Variants in NSD2 observed in about 807,000 individuals in gnomAD.
The protein encoded by NSD2 is histone-lysine N-methyltransferase NSD2.
NSD2 carries 12 observed loss-of-function variants against 139.0 expected under a neutral mutation model. The ratio of observed to expected loss-of-function variants is 0.09; its 90% CI spans 0.06 to 0.14. The LOEUF is 0.14. Ranked by LOEUF, NSD2 falls within the 10% of genes least tolerant of loss-of-function variation. NSD2 has a pLI of 1.00. For missense variants in NSD2, 1,155 were observed against 1,745.0 expected, an observed-to-expected ratio of 0.66 and a Z score of 6.02; for synonymous variants, 669 against 648.7, an observed-to-expected ratio of 1.03 and a Z score of -0.48.
chr4:1,946,073 TA>T, intron 9 of NSD2: 1 of 1,030,308 alleles, frequency 9.7e-7, no homozygotes, highest in Non-Finnish European at 1.2e-6. Context: ...CTTAGTTTTT[TA>T]AAAAAAATCT....
intron 18 of NSD2, among the ~76,000 whole-genome samples, 155 bp downstream of exon 18, chr4:1,961,306 C>T (rs568069325): frequency 1.3e-5 from 2 of 152,292 alleles, no homozygotes; most frequent in East Asian, 1.9e-4. Context: ...TGAGGTGCAG[C>T]GTGTCTTTCA....
At chr4:1,876,886 A>G (rs553279195) in intron 1 of NSD2, among the ~76,000 whole-genome samples, 5 of 152,128 alleles carry the variant, frequency 3.3e-5, no homozygotes, top group African/African-American at 4.8e-5. Context: ...CTGTAATCCC[A>G]GTGCTTTGGG....
rs542285903 is a variant in NSD2, at chr4:1,975,226, C to T, written c.3515-68C>T. The T allele has an allele frequency of 3.3e-6, 5 of 1,506,924 alleles. No homozygotes were observed. The South Asian group carries it at 5.7e-5, about 17-fold the overall frequency. 93.3% of individuals were successfully genotyped at this position (1,506,924 alleles called of 1,614,324 possible). ...TAAGAGTATTTTTGTTGACCTAATA[C>T]ACGCCCCTTAGCTTTTGAAGAGAAA... is the stretch of plus-strand genomic sequence containing the variant. On this transcript the variant is annotated intron_variant, in intron 19 of 21. Coordinates refer to ENST00000508803, the MANE Select transcript of NSD2 (RefSeq NM_001042424.3).
At chr4:1,896,305 G>T (rs1716291537) in intron 1 of NSD2, among the ~76,000 whole-genome samples, 2 of 152,258 alleles carry the variant, frequency 1.3e-5, no homozygotes, top group Non-Finnish European at 2.9e-5. Flanking sequence ...GCCATGGGCA[G>T]CCTGCAGCCT....
intron 1 of NSD2, among the ~76,000 whole-genome samples, chr4:1,889,265 TG>T (rs35258624): frequency 3.3e-5 from 5 of 151,834 alleles, no homozygotes; most frequent in African/African-American, 1.2e-4. Flanking sequence ...GGTGTAATTA[TG>T]GCTCACAGCC....
intron 21 of NSD2, among the ~76,000 whole-genome samples, chr4:1,978,015 T>C (rs1727289998): frequency 6.6e-6 from 1 of 150,896 alleles, no homozygotes; most frequent in African/African-American, 2.4e-5. Context: ...TAATCCTGGC[T>C]ACTCGGAAGG....
At chr4:1,872,635 A>AGAGAGAGAGAGAGAGAGAGAGAGC (rs1179623184) in intron 1 of NSD2, among the ~76,000 whole-genome samples, 2 of 120,198 alleles carry the variant, frequency 1.7e-5, no homozygotes, top group African/African-American at 2.9e-5. Context: ...AGAGAGAGAG[A>AGAGAGAGAGAGAGAGAGAGAGAGC]GCGCGCAGAC....
chr4:1,935,276 A>AG lies in NSD2; in HGVS notation c.1674+16dup, dbSNP rs772700430. On this transcript the variant is annotated intron_variant, in intron 7 of 21. Coordinates refer to ENST00000508803, the MANE Select transcript of NSD2 (RefSeq NM_001042424.3). ...AGTCTTCGGAAGGTAATTGTGTTCC[A>AG]GGTTTGCTTGACCTGTCAGAGTGTA... 10 of 1,604,788 alleles carry AG rather than the reference A, an allele frequency of 6.2e-6. No homozygotes were observed. Among genetic ancestry groups the AG allele is most frequent in the Non-Finnish European group, 8.5e-6 (10 of 1,173,006 alleles).
Position 1,979,418 on chromosome 4 carries a change from T to C in NSD2, c.*509T>C, listed in dbSNP as rs1727525033. The C allele has an allele frequency of 4.3e-6, 1 of 234,118 alleles. No individual in the cohort carries two copies. The highest frequency in any genetic ancestry group is 8.4e-6 in the Non-Finnish European group (1 of 118,664). 14.5% of individuals were successfully genotyped at this position (234,118 alleles called of 1,614,324 possible). Reference sequence around the variant, plus strand: ...ACTGCCATTGTGATCATTACTCTGCTCTTTGGAAATGGCTGTATCATTTTT... The same window carrying C: ...ACTGCCATTGTGATCATTACTCTGCCCTTTGGAAATGGCTGTATCATTTTT... On this transcript the variant is annotated 3_prime_UTR_variant, in exon 22 of 22. Transcript: ENST00000508803.
rs1724736840 is a variant in NSD2, at chr4:1,955,628, G to A, written c.2519-65G>A. ...GGCTGTAATAAGTGTAGACTGTGAA[G>A]CACTGAATCTGGGCTGAGCCATAGC... On this transcript the variant is annotated intron_variant, in intron 13 of 21. Coordinates refer to ENST00000508803, the MANE Select transcript of NSD2 (RefSeq NM_001042424.3). This position sits in a 1 kb window ranked among gnomAD's most constrained non-coding sequence, Gnocchi z 4.7. 1.3e-6 allele frequency: 2 copies of A among 1,520,966 alleles called. No homozygotes were observed. The highest frequency in any genetic ancestry group is 1.8e-6 in the Non-Finnish European group (2 of 1,132,150). 94.2% of individuals were successfully genotyped at this position (1,520,966 alleles called of 1,614,324 possible). A position where few individuals can be genotyped will look rare whatever the true frequency, so the allele number is the denominator to read the frequency against.
chr4:1,893,608 G>A (rs1463914199), intron 1 of NSD2: 1 of 149,372 alleles, frequency 6.7e-6, no homozygotes, highest in East Asian at 1.9e-4. Flanking sequence ...CTGGAGTGCA[G>A]TGGTGCTTTC....
chr4:1,879,097 T>C (rs569574937), intron 1 of NSD2, among the ~76,000 whole-genome samples: 3 of 152,334 alleles, frequency 2.0e-5, no homozygotes, highest in South Asian at 2.1e-4. Context: ...AGCTTCACTG[T>C]TTGCTTAGAA....
rs544646078 is a variant in NSD2 at position 1,951,974 on chromosome 4, C to A, written c.2014-134C>A. 3.6e-6 allele frequency: 5 copies of A among 1,383,494 alleles called. No individual in the cohort carries two copies. In the African/African-American group the frequency reaches 5.8e-5, roughly 16 times the overall value. The allele number at this position is 1,383,494 out of a possible 1,614,324, so 85.7% of individuals were successfully genotyped here. ...TGTTTGGGCCAGACGTTTGCCCATG[C>A]ATGTTATTATATATCCTTGAGTAGC... On this transcript the variant is annotated intron_variant, in intron 10 of 21. Transcript: ENST00000508803.
At chr4:1,944,069 A>G (rs1489129550) in intron 9 of NSD2, 1 of 1,065,380 alleles carries the variant, frequency 9.4e-7, no homozygotes, top group African/African-American at 1.6e-5. Context: ...GATGGGAATG[A>G]TAGTGTATCT....
At chr4:1,880,855 C>T (rs1202841020) in intron 1 of NSD2, among the ~76,000 whole-genome samples, 2 of 152,158 alleles carry the variant, frequency 1.3e-5, no homozygotes, top group East Asian at 3.8e-4. Flanking sequence ...TGTGTCAGAT[C>T]AGTTTGTTAG....
At chr4:1,966,911 G>A (rs1001369997) in intron 18 of NSD2, among the ~76,000 whole-genome samples, 6 of 152,052 alleles carry the variant, frequency 3.9e-5, no homozygotes, top group African/African-American at 1.4e-4. Context: ...TGTTATTGAA[G>A]TTAAACTTAA....
chr4:1,965,979 G>A (rs1163869818), intron 18 of NSD2, among the ~76,000 whole-genome samples: 2 of 152,054 alleles, frequency 1.3e-5, no homozygotes. Flanking sequence ...ATATCACAAG[G>A]GATTCTCAAT....
intron 9 of NSD2, chr4:1,940,816 G>A (rs544093044): frequency 1.9e-6 from 2 of 1,057,766 alleles, no homozygotes; most frequent in East Asian, 5.2e-5. Context: ...TTAGAGGAGT[G>A]TAGGCCTTCC....
intron 1 of NSD2, among the ~76,000 whole-genome samples, chr4:1,875,669 G>A (rs1290366864): frequency 3.3e-5 from 5 of 152,048 alleles, no homozygotes; most frequent in African/African-American, 1.2e-4. Flanking sequence ...TTGGGAGGCC[G>A]AGGCGGTTGG....
Sources: allele counts gnomAD v4.1 joint callset (sites outside exome capture counted in the v4.1 genomes callset), GRCh38; gene constraint gnomAD v4.1.1; non-coding constraint Gnocchi (gnomAD v3.1); transcripts MANE v1.5; gene names NCBI Gene and HGNC (gene_info 2026-07-23, HGNC 2026-07-21).